FSTL5: variants seen among roughly 807,000 people sequenced by gnomAD.
FSTL5 encodes follistatin-related protein 5.
In FSTL5, 62 loss-of-function variants were observed where a neutral mutation model predicts 89.1. The ratio of observed to expected loss-of-function variants is 0.70; its 90% confidence interval spans 0.57 to 0.86. The LOEUF is 0.86. Among genes scored for constraint, FSTL5 ranks in the 40% least tolerant of loss-of-function variants. The probability of loss-of-function intolerance (pLI) is 0.00; values close to 1 mark genes in which losing one functional copy is unlikely to be tolerated. For missense variants in FSTL5, 1,057 were observed against 1,001.6 expected (o/e 1.06, Z -0.75); for synonymous variants, 383 against 346.2 (o/e 1.11, Z -1.18).
chr4:162,118,735 T>C (rs906575625), intron 1 of FSTL5, among the ~76,000 whole-genome samples: 1 of 151,976 alleles, frequency 6.6e-6, no homozygotes, highest in Non-Finnish European at 1.5e-5. Context: ...TGTATATCCA[T>C]AAAGAAGAGC....
At position 161,835,658 on chromosome 4, in the gene FSTL5, C is replaced by A. The variant is rs540041230; in HGVS notation, c.410-59584G>T. ...AGTGGGTGAAGGACATGAACAGACA[C>A]TTCTCAAAAGAAGACATTTATGCAG... On this transcript the variant is annotated intron_variant, in intron 4 of 15. Coordinates refer to ENST00000306100, the MANE Select transcript of FSTL5 (RefSeq NM_020116.5). 2.7e-3 allele frequency among the ~76,000 whole-genome samples: 417 copies of A among 152,140 alleles called. 3 individuals carry two copies. The highest frequency in any genetic ancestry group is 9.6e-3 in the African/African-American group (399 of 41,500).
intron 8 of FSTL5, among the ~76,000 whole-genome samples, chr4:161,562,909 T>C (rs1021095191): frequency 6.6e-6 from 1 of 152,040 alleles, no homozygotes; most frequent in Admixed American, 6.6e-5. Context: ...ATTTATCATT[T>C]TGTAGTTGGC....
intron 2 of FSTL5, among the ~76,000 whole-genome samples, chr4:162,080,125 A>G (rs1057207490): frequency 5.3e-5 from 8 of 151,758 alleles, no homozygotes; most frequent in Non-Finnish European, 7.4e-5. Flanking sequence ...TCTATCACAT[A>G]CTGAGCAACG....
intron 3 of FSTL5, among the ~76,000 whole-genome samples, chr4:161,996,789 T>C (rs1458768121): frequency 6.6e-6 from 1 of 152,340 alleles, no homozygotes; most frequent in East Asian, 1.9e-4. Flanking sequence ...TTTTTGCATG[T>C]CTTGAATATT....
chr4:161,785,734 T>C (rs900785333), intron 4 of FSTL5, among the ~76,000 whole-genome samples: 1 of 152,134 alleles, frequency 6.6e-6, no homozygotes, highest in Non-Finnish European at 1.5e-5. Context: ...TGACCTTACA[T>C]ATAGTTAAAG....
At position 162,111,279 on chromosome 4, in the gene FSTL5, G is replaced by C; in HGVS notation, c.118C>G (p.Arg40Gly). The change falls in exon 2 of 16, where the codon CGA (arginine) becomes GGA (glycine). Residue 40 changes from arginine to glycine, a missense_variant. Arg to Gly is a moderately radical substitution (Grantham distance 125). Around this residue, in one of 3 missense-constraint regions of FSTL5, gnomAD observed 980 missense variants for 903.2 expected, o/e 1.08. Coordinates refer to ENST00000306100, the MANE Select transcript of FSTL5 (RefSeq NM_020116.5). ...CAGAATATTGACTGTACCTTATGTC[G>C]CAATCTCATTAGAGGCTGATAGGAT... ...LKSYQPLMRLRHKQEKNQESS... is the reference protein window; with the variant it reads ...LKSYQPLMRLGHKQEKNQESS... 6.2e-7 allele frequency: 1 copy of C among 1,605,538 alleles called. No homozygotes were observed. Among genetic ancestry groups the C allele is most frequent in the Non-Finnish European group, 8.5e-7 (1 of 1,174,404 alleles).
intron 3 of FSTL5, among the ~76,000 whole-genome samples, chr4:161,963,655 T>C (rs962448745): frequency 6.6e-6 from 1 of 151,968 alleles, no homozygotes; most frequent in Non-Finnish European, 1.5e-5. Context: ...TGCAATTCAG[T>C]ACAAAGAGTT....
intron 4 of FSTL5, among the ~76,000 whole-genome samples, chr4:161,898,542 G>T (rs1407943376): frequency 1.3e-5 from 2 of 150,666 alleles, no homozygotes; most frequent in African/African-American, 4.9e-5. Flanking sequence ...GTATGTTTTG[G>T]TATCTAATTG....
Position 161,775,984 on chromosome 4 carries a change from T to C in FSTL5, c.500A>G (p.Asn167Ser), listed in dbSNP as rs749552365. ...CCGAGATATGTCGTCGCCATTAGGATTTTCATTTTCTTGCATAATATATTT... is the reference window on the plus strand; with the variant it reads ...CCGAGATATGTCGTCGCCATTAGGACTTTCATTTTCTTGCATAATATATTT... ...NQKYIMQENENPNGDDISRKK... is the reference protein window; with the variant it reads ...NQKYIMQENESPNGDDISRKK... Residue 167 changes from asparagine to serine, a missense_variant, in exon 5 of 16, where the codon AAT (asparagine) becomes AGT (serine). By Grantham distance (46) the Asn-to-Ser change is conservative. This residue lies in a region of FSTL5 where 980 missense variants were observed against 903.2 expected (regional missense o/e 1.08). Coordinates refer to ENST00000306100, the MANE Select transcript of FSTL5 (RefSeq NM_020116.5). 5.0e-6 allele frequency: 8 copies of C among 1,602,450 alleles called. No homozygotes were observed. In the South Asian group the frequency reaches 8.9e-5, roughly 18 times the overall value.
intron 6 of FSTL5, among the ~76,000 whole-genome samples, chr4:161,744,269 A>G (rs1011456037): frequency 3.9e-5 from 6 of 152,094 alleles, no homozygotes; most frequent in African/African-American, 1.4e-4. Context: ...TATCTGCACC[A>G]CAAATGTATG....
At chr4:162,155,701 G>A (rs189475425) in intron 1 of FSTL5, among the ~76,000 whole-genome samples, 22 of 152,340 alleles carry the variant, frequency 1.4e-4, no homozygotes, top group African/African-American at 5.1e-4. Context: ...GAATGCAGAA[G>A]AGTGGGACCT....
intron 7 of FSTL5, among the ~76,000 whole-genome samples, chr4:161,612,712 T>A (rs1219254142): frequency 6.6e-6 from 1 of 152,180 alleles, no homozygotes; most frequent in Non-Finnish European, 1.5e-5. Context: ...ATTTCTTTTG[T>A]GGACTGAGAA....
chr4:162,027,759 CTTATTGGTAATTAAAGAGT>C (rs1560978442), intron 3 of FSTL5, among the ~76,000 whole-genome samples: 1 of 150,898 alleles, frequency 6.6e-6, no homozygotes, highest in Non-Finnish European at 1.5e-5. Flanking sequence ...TTTAGATTCT[CTTATTGGTAATTAAAGAGT>C]TGCCAGTTAA....
intron 3 of FSTL5, among the ~76,000 whole-genome samples, chr4:161,955,707 C>A (rs1448534513): frequency 6.6e-6 from 1 of 151,820 alleles, no homozygotes; most frequent in Non-Finnish European, 1.5e-5. Flanking sequence ...TCTTTGCAAA[C>A]AGAACCTTCC....
chr4:161,652,262 C>T (rs1347200666), intron 7 of FSTL5, among the ~76,000 whole-genome samples: 1 of 152,106 alleles, frequency 6.6e-6, no homozygotes, highest in Non-Finnish European at 1.5e-5. Flanking sequence ...CCCAGAAACC[C>T]CATCTCTACA....
chr4:161,628,386 G>A (rs763442163), intron 7 of FSTL5, among the ~76,000 whole-genome samples: 27 of 152,042 alleles, frequency 1.8e-4, no homozygotes, highest in Non-Finnish European at 3.5e-4. Context: ...TTAGTCTAAA[G>A]GTCTTAGATG....
At chr4:161,453,985 T>C (rs1303968135) in intron 15 of FSTL5, among the ~76,000 whole-genome samples, 1 of 152,192 alleles carries the variant, frequency 6.6e-6, no homozygotes, top group African/African-American at 2.4e-5. Flanking sequence ...TATCAAACTT[T>C]GAAAATATGC....
intron 15 of FSTL5, among the ~76,000 whole-genome samples, chr4:161,420,319 A>G (rs1731938073): frequency 1.3e-5 from 2 of 152,208 alleles, no homozygotes; most frequent in South Asian, 2.1e-4. Context: ...CAGTTACAAA[A>G]ACAAGGACTA....
chr4:161,927,297 A>T (rs192429745), intron 3 of FSTL5, among the ~76,000 whole-genome samples: 1 of 151,746 alleles, frequency 6.6e-6, no homozygotes, highest in African/African-American at 2.4e-5. Flanking sequence ...CCAACACTTA[A>T]AAAATATCTT....
Sources: gnomAD v4.1 joint callset for allele counts (sites outside exome capture counted in the v4.1 genomes callset) on GRCh38, gnomAD v4.1.1 for gene constraint, gnomAD v4.1.1 regional missense constraint, MANE v1.5 for transcripts, NCBI Gene and HGNC (gene_info 2026-07-23, HGNC 2026-07-21) for gene names.